The following ING5 variants were observed in gnomAD, a reference collection of about 807,000 sequenced individuals.
ING5 encodes inhibitor of growth family member 5.
A neutral mutation model predicts 37.4 loss-of-function variants in ING5; 17 were observed. The observed-to-expected ratio is 0.45, with a 90% CI of 0.31 to 0.68. The LOEUF is 0.68. Ranked by LOEUF, ING5 falls within the 30% of genes least tolerant of loss-of-function variation. ING5 has a pLI of 0.05. For synonymous variants in ING5, 123 were observed against 116.6 expected (o/e 1.06, Z -0.36); for missense variants, 233 against 311.9 (o/e 0.75, Z 1.91).
rs1181219383 is a variant in ING5, at chr2:241,728,585, T to A, written c.*3554T>A. ...AACAGGAGCTGGTGAAACCGAGCCC[T>A]CTGCATCTGCGAATGTGCCCTAGGT... On this transcript the variant is annotated 3_prime_UTR_variant, in exon 8 of 8. Transcript: ENST00000313552. The A allele has an allele frequency of 1.3e-5, 2 of 152,686 alleles. No individual in the cohort carries two copies. Among genetic ancestry groups the A allele is most frequent in the Non-Finnish European group, 2.9e-5 (2 of 68,084 alleles). The allele number at this position is 152,686 out of a possible 1,614,324, so 9.5% of individuals were successfully genotyped here.
In ING5 at chr2:241,726,923, G is replaced by T. The variant is rs2124962389; in HGVS notation, c.*1892G>T. ...CATTCTCCTGCCTCAGCCCCCCCGA[G>T]TAGCTGGGACTACAGGCGCCCGCCA... On this transcript the variant is annotated 3_prime_UTR_variant, in exon 8 of 8. Coordinates refer to ENST00000313552, the MANE Select transcript of ING5 (RefSeq NM_032329.6). 1 of 152,350 alleles carries T rather than the reference G, an allele frequency of 6.6e-6. No individual in the cohort carries two copies. The highest frequency in any genetic ancestry group is 1.5e-5 in the Non-Finnish European group (1 of 68,118). The allele number at this position is 152,350 out of a possible 1,614,324, so 9.4% of individuals were successfully genotyped here.
In ING5 at chr2:241,727,339, A is replaced by T. The variant is rs903120420; in HGVS notation, c.*2308A>T. On this transcript the variant is annotated 3_prime_UTR_variant, in exon 8 of 8. Transcript: ENST00000313552. ...TTTTTGTTTTGTGTTTTTGAAACGGAGTTTTGCTCTGTCACCCAGGCTGGA... is the reference window on the plus strand; with the variant it reads ...TTTTTGTTTTGTGTTTTTGAAACGGTGTTTTGCTCTGTCACCCAGGCTGGA... 6.6e-6 allele frequency: 1 copy of T among 151,832 alleles called. No individual in the cohort carries two copies. The highest frequency in any genetic ancestry group is 1.5e-5 in the Non-Finnish European group (1 of 67,988). The allele number at this position is 151,832 out of a possible 1,614,324, so 9.4% of individuals were successfully genotyped here. A position where few individuals can be genotyped will look rare whatever the true frequency, so the allele number is the denominator to read the frequency against.
rs571848669 is a variant in ING5, at chr2:241,702,289, G to A, written c.37+187G>A. ...CAAGGGAGGGGAGGGCGCGGGGGGC[G>A]GGCGCGGGGGGTCCCGCCGGCTGGG... On this transcript the variant is annotated intron_variant, in intron 1 of 7. Coordinates refer to ENST00000313552, the MANE Select transcript of ING5 (RefSeq NM_032329.6). Among the ~76,000 whole-genome samples the A allele has an allele frequency of 9.8e-3, 1,453 of 148,364 alleles. 32 individuals carry two copies. The highest frequency in any genetic ancestry group is 0.033 in the African/African-American group (1,371 of 40,958).
In ING5 at chr2:241,727,104, A is replaced by C. The variant is rs1409632157; in HGVS notation, c.*2073A>C. On this transcript the variant is annotated 3_prime_UTR_variant, in exon 8 of 8. Transcript: ENST00000313552. ...GCCACCGCGCCTGGCCACCCAGCTAAGTTTGTATTTTTGTTGGAGACGGGG... is the reference window on the plus strand; with the variant it reads ...GCCACCGCGCCTGGCCACCCAGCTACGTTTGTATTTTTGTTGGAGACGGGG... 3 of 151,528 alleles carry C rather than the reference A, an allele frequency of 2.0e-5. No homozygotes were observed. Among genetic ancestry groups the C allele is most frequent in the South Asian group, 2.1e-4 (1 of 4,800 alleles). The allele number at this position is 151,528 out of a possible 1,614,324, so 9.4% of individuals were successfully genotyped here.
chr2:241,722,841 G>C, intron 5 of ING5, 98 bp from the exon 6 acceptor site: 2 of 1,563,718 alleles, frequency 1.3e-6, no homozygotes, highest in African/African-American at 1.3e-5. Flanking sequence ...GTTTTGGGGT[G>C]AGGGGGCCTT....
intron 7 of ING5, chr2:241,723,902 T>G: frequency 7.3e-7 from 1 of 1,368,408 alleles, no homozygotes; most frequent in Non-Finnish European, 1.0e-6. Context: ...CCCAACTACC[T>G]GGGAGGCGGA....
upstream of ING5, among the ~76,000 whole-genome samples, chr2:241,699,943 G>A (rs2124864717): frequency 6.6e-6 from 1 of 152,226 alleles, no homozygotes; most frequent in Admixed American, 6.6e-5. Context: ...TGGAGGCAGA[G>A]AAGAATCACC....
rs761685718 is a variant in ING5 at position 241,713,893 on chromosome 2, C to T, written c.482+1822C>T. Among the ~76,000 whole-genome samples, 15 of 151,606 alleles carry T rather than the reference C, an allele frequency of 9.9e-5. No homozygotes were observed. In the East Asian group the frequency reaches 2.0e-3, roughly 20 times the overall value. On this transcript the variant is annotated intron_variant, in intron 5 of 7. Transcript: ENST00000313552. ...TAATCCCAGCTACTCGGGAGGCTGA[C>T]GCAGGGAGATTGTTTGAACCCGGGA...
In ING5 at chr2:241,726,522, G is replaced by A. The variant is rs971179323; in HGVS notation, c.*1491G>A. 1.3e-5 allele frequency: 2 copies of A among 152,272 alleles called. No homozygotes were observed. The highest frequency in any genetic ancestry group is 4.8e-5 in the African/African-American group (2 of 41,456). 9.4% of individuals were successfully genotyped at this position (152,272 alleles called of 1,614,324 possible). ...TGGTTGGGATGGTGTCCACATTCATGTTCTGCGGTTCTTGAACACACGGAT... is the reference window on the plus strand; with the variant it reads ...TGGTTGGGATGGTGTCCACATTCATATTCTGCGGTTCTTGAACACACGGAT... On this transcript the variant is annotated 3_prime_UTR_variant, in exon 8 of 8. Transcript: ENST00000313552.
chr2:241,717,276 G>T (rs1160638571), intron 5 of ING5, among the ~76,000 whole-genome samples: 1 of 152,090 alleles, frequency 6.6e-6, no homozygotes, highest in African/African-American at 2.4e-5. Context: ...TTGCCATGTT[G>T]GCCAGGCTGG....
chr2:241,711,456 A>C lies in ING5; in HGVS notation c.356A>C (p.Asp119Ala). 4 of 1,606,940 alleles carry C rather than the reference A, an allele frequency of 2.5e-6. No homozygotes were observed. Among genetic ancestry groups the C allele is most frequent in the Non-Finnish European group, 3.4e-6 (4 of 1,177,426 alleles). Reference protein sequence around the residue: ...ADLKDKMEGSDFESSGGRGLK... With the variant: ...ADLKDKMEGSAFESSGGRGLK... Reference sequence around the variant, plus strand: ...CTGAAGGACAAGATGGAGGGCAGTGATTTTGAAAGCTCCGGAGGGCGAGGG... The same window carrying C: ...CTGAAGGACAAGATGGAGGGCAGTGCTTTTGAAAGCTCCGGAGGGCGAGGG... Residue 119 changes from aspartate (D) to alanine (A), a missense_variant, in exon 4 of 8, where the codon GAT becomes GCT. Coordinates refer to ENST00000313552, the MANE Select transcript of ING5 (RefSeq NM_032329.6).
At chr2:241,721,111 C>T (rs1222500181) in intron 5 of ING5, 4 of 985,600 alleles carry the variant, frequency 4.1e-6, no homozygotes, top group East Asian at 2.3e-4. Flanking sequence ...GTCAGCGTTT[C>T]GGGGACGGTT....
chr2:241,703,767 G>A (rs953807922), intron 1 of ING5, among the ~76,000 whole-genome samples: 13 of 151,940 alleles, frequency 8.6e-5, no homozygotes, highest in Non-Finnish European at 1.5e-5. Flanking sequence ...CACCACGCCT[G>A]GATAATTTTT....
intron 5 of ING5, chr2:241,719,486 C>T: frequency 7.1e-7 from 1 of 1,405,460 alleles, no homozygotes; most frequent in Non-Finnish European, 9.7e-7. Flanking sequence ...AACTCAGTGG[C>T]AACAGCGTTC....
chr2:241,720,308 C>G (rs1000242627), intron 5 of ING5: 1 of 1,223,258 alleles, frequency 8.2e-7, no homozygotes, highest in Non-Finnish European at 1.0e-6. Context: ...CGCTGTGGTG[C>G]CAGGCCGCTC....
At chr2:241,717,300 G>A (rs904788771) in intron 5 of ING5, among the ~76,000 whole-genome samples, 1 of 152,062 alleles carries the variant, frequency 6.6e-6, no homozygotes, top group African/African-American at 2.4e-5. Context: ...CGAACTCCTG[G>A]CCTCCAGTGA....
chr2:241,699,529 G>C (rs2069682195), upstream of ING5, among the ~76,000 whole-genome samples: 1 of 152,086 alleles, frequency 6.6e-6, no homozygotes, highest in Admixed American at 6.6e-5. Context: ...TCCCGCCTCA[G>C]CCTCTCATGG....
rs1232515747 is a variant in ING5, at chr2:241,729,410, C to T, written c.*4379C>T. ...TATTAGATAATGTAAAGATGTATAT[C>T]AGTATTTTTGGATCATGTTATAGAT... is the stretch of plus-strand genomic sequence containing the variant. On this transcript the variant is annotated 3_prime_UTR_variant, in exon 8 of 8. Coordinates refer to ENST00000313552, the MANE Select transcript of ING5 (RefSeq NM_032329.6). 6.6e-6 allele frequency: 1 copy of T among 152,496 alleles called. No individual in the cohort carries two copies. The highest frequency in any genetic ancestry group is 1.5e-5 in the Non-Finnish European group (1 of 68,034). 9.4% of individuals were successfully genotyped at this position (152,496 alleles called of 1,614,324 possible).
intron 5 of ING5, among the ~76,000 whole-genome samples, chr2:241,712,948 C>T (rs2070153525): frequency 1.3e-5 from 2 of 151,210 alleles, no homozygotes; most frequent in South Asian, 4.2e-4. Flanking sequence ...GGATCATGAG[C>T]CACGATCGCA....
Sources: gnomAD v4.1 joint callset for allele counts (sites outside exome capture counted in the v4.1 genomes callset) on GRCh38, gnomAD v4.1.1 for gene constraint, MANE v1.5 for transcripts, NCBI Gene and HGNC (gene_info 2026-07-23, HGNC 2026-07-21) for gene names.